The following RIIAD1 variants were observed in gnomAD, a reference collection of about 807,000 sequenced individuals.
RIIAD1 encodes the protein regulatory subunit of type II PKA R-subunit domain containing 1.
RIIAD1 carries 15 observed loss-of-function variants against 13.3 expected under a neutral mutation model. That is an observed-to-expected ratio of 1.13 (90% CI 0.76 to 1.74). The LOEUF is 1.74. RIIAD1 is among the 40% of genes most tolerant of loss of function. The pLI is 0.00. For missense variants in RIIAD1, 121 were observed against 112.2 expected, an observed-to-expected ratio of 1.08 and a Z score of -0.35; for synonymous variants, 50 against 43.3, an observed-to-expected ratio of 1.16 and a Z score of -0.61.
At chr1:151,722,487 CACT>C (rs1673755794) in intron 2 of RIIAD1, among the ~76,000 whole-genome samples, 1 of 152,172 alleles carries the variant, frequency 6.6e-6, no homozygotes, top group South Asian at 2.1e-4. Context: ...GGTTGGAAGC[CACT>C]CTTTTCTTGG....
intron 1 of RIIAD1, 153 bp from the exon 2 acceptor site, chr1:151,721,933 A>G (rs947858389): frequency 7.9e-6 from 5 of 630,340 alleles, no homozygotes; most frequent in Non-Finnish European, 1.4e-5. Flanking sequence ...ATGATATTTT[A>G]TCTGTAAGAA....
chr1:151,724,680 C>T (rs1360721084), intron 2 of RIIAD1, among the ~76,000 whole-genome samples: 1 of 152,210 alleles, frequency 6.6e-6, no homozygotes, highest in African/African-American at 2.4e-5. Context: ...AAACTCTTAA[C>T]ACCTTGAGTT....
At chr1:151,720,630 T>C (rs557128645), upstream of RIIAD1, among the ~76,000 whole-genome samples, 152 of 152,334 alleles carry the variant, frequency 1.0e-3, no homozygotes, top group African/African-American at 3.6e-3. Context: ...TTGTTTCTCA[T>C]GGTATTTTCT....
intron 2 of RIIAD1, among the ~76,000 whole-genome samples, chr1:151,723,111 G>A (rs917468860): frequency 1.3e-5 from 2 of 152,194 alleles, no homozygotes; most frequent in Non-Finnish European, 2.9e-5. Context: ...AAAAGTTGGC[G>A]AGGTCAGGCA....
chr1:151,727,632 C>T lies in RIIAD1; in HGVS notation c.208+11C>T, dbSNP rs1673856551. On this transcript the variant is annotated intron_variant, in intron 3 of 4. Transcript: ENST00000479191. ...TAGAATTTGCTGCAGGTGAGTAAGG[C>T]AGCGTCGGTTTTGGGTATCTGACAA... is the stretch of plus-strand genomic sequence containing the variant. The T allele has an allele frequency of 1.9e-6, 3 of 1,543,128 alleles. No homozygotes were observed. Among genetic ancestry groups the T allele is most frequent in the Non-Finnish European group, 2.6e-6 (3 of 1,139,208 alleles).
At chr1:151,714,762 G>C in intron 4 of RIIAD1, 1 of 959,518 alleles carries the variant, frequency 1.0e-6, no homozygotes, top group Non-Finnish European at 1.6e-6. Flanking sequence ...AAAGACTGAC[G>C]ACTGGGAAGC....
intron 2 of RIIAD1, among the ~76,000 whole-genome samples, chr1:151,726,048 T>C (rs928033505): frequency 1.3e-5 from 2 of 152,214 alleles, no homozygotes; most frequent in Admixed American, 6.5e-5. Context: ...TCATAGTCTA[T>C]AGAACACAAA....
intron 2 of RIIAD1, among the ~76,000 whole-genome samples, chr1:151,726,612 T>A (rs900865638): frequency 1.3e-5 from 2 of 152,344 alleles, no homozygotes; most frequent in East Asian, 1.9e-4. Context: ...GGGCAAATCA[T>A]TAATCTTTTG....
upstream of RIIAD1, among the ~76,000 whole-genome samples, chr1:151,719,184 A>G (rs1315000371): frequency 6.6e-6 from 1 of 152,156 alleles, no homozygotes; most frequent in African/African-American, 2.4e-5. Context: ...AGAGGAGAAG[A>G]GTTGTACCAC....
chr1:151,716,793 C>G, upstream of RIIAD1: 2 of 467,082 alleles, frequency 4.3e-6, no homozygotes, highest in Non-Finnish European at 8.8e-6. Flanking sequence ...GCGCTCTCCT[C>G]AACAAAAACC....
intron 1 of RIIAD1, chr1:151,721,847 C>T: frequency 3.4e-6 from 2 of 584,356 alleles, no homozygotes; most frequent in Non-Finnish European, 6.1e-6. Context: ...AGGGACTCGG[C>T]CAGAGAAATG....
chr1:151,725,732 C>T (rs1488495378), intron 2 of RIIAD1, among the ~76,000 whole-genome samples: 1 of 152,208 alleles, frequency 6.6e-6, no homozygotes, highest in Non-Finnish European at 1.5e-5. Flanking sequence ...TCCTTTTGCT[C>T]AGTCGTATCT....
chr1:151,727,617 T>C lies in RIIAD1; in HGVS notation c.204T>C (p.Ala68=), dbSNP rs763091613. ...LKRPDNILEF[A]ADYFTDPRLP... ...GACCAGACAACATCCTAGAATTTGC[T>C]GCAGGTGAGTAAGGCAGCGTCGGTT... Residue 68 remains alanine (A), a synonymous_variant, in exon 3 of 5, where the codon GCT becomes GCC. Transcript: ENST00000479191. 5.8e-6 allele frequency: 9 copies of C among 1,548,988 alleles called. 1 individual carries two copies. The South Asian group carries it at 8.3e-5, about 14-fold the overall frequency.
At position 151,721,586 on chromosome 1, in the gene RIIAD1, G is replaced by A; in HGVS notation, c.50G>A (p.Ser17Asn). ...LLQRPDPGAL[S>N]AAQLEQLRKF... ...CAGCGGCCCGACCCCGGGGCGCTTAGCGCAGCGCAGCTGGAGCAGCTGCGA... is the reference window on the plus strand; with the variant it reads ...CAGCGGCCCGACCCCGGGGCGCTTAACGCAGCGCAGCTGGAGCAGCTGCGA... Residue 17 changes from serine (S) to asparagine (N), a missense_variant, in exon 1 of 5, where the codon AGC (serine) becomes AAC (asparagine). Ser to Asn is a conservative substitution (Grantham distance 46). Transcript: ENST00000479191. 7.6e-7 allele frequency: 1 copy of A among 1,312,892 alleles called. No homozygotes were observed. The highest frequency in any genetic ancestry group is 9.7e-7 in the Non-Finnish European group (1 of 1,028,128). 81.3% of individuals were successfully genotyped at this position (1,312,892 alleles called of 1,614,324 possible). A position where few individuals can be genotyped will look rare whatever the true frequency, so the allele number is the denominator to read the frequency against.
At chr1:151,725,862 C>G (rs193295348) in intron 2 of RIIAD1, among the ~76,000 whole-genome samples, 1 of 152,084 alleles carries the variant, frequency 6.6e-6, no homozygotes, top group Non-Finnish European at 1.5e-5. Context: ...CAAGGCTCTC[C>G]GTAATAGAAC....
At chr1:151,726,924 C>G (rs939910070) in intron 2 of RIIAD1, among the ~76,000 whole-genome samples, 3 of 152,314 alleles carry the variant, frequency 2.0e-5, no homozygotes, top group Non-Finnish European at 2.9e-5. Flanking sequence ...ATATCTCCCA[C>G]CATTCGTGGG....
At chr1:151,713,780 G>A (rs1042222163) in intron 3 of RIIAD1, among the ~76,000 whole-genome samples, 8 of 152,202 alleles carry the variant, frequency 5.3e-5, no homozygotes, top group African/African-American at 7.2e-5. Context: ...GGGCGTGGGG[G>A]TTTGGGTGGA....
chr1:151,713,141 C>A (rs1331645667), intron 2 of RIIAD1, among the ~76,000 whole-genome samples: 1 of 152,182 alleles, frequency 6.6e-6, no homozygotes, highest in Non-Finnish European at 1.5e-5. Context: ...TGGATTCTGT[C>A]CCCTGGGACA....
upstream of RIIAD1, chr1:151,719,699 C>T: frequency 1.4e-6 from 1 of 701,914 alleles, no homozygotes; most frequent in Non-Finnish European, 2.6e-6. Flanking sequence ...GTAAGACAGG[C>T]CAACACAATA....
Sources: gnomAD v4.1 joint callset for allele counts (sites outside exome capture counted in the v4.1 genomes callset) on GRCh38, gnomAD v4.1.1 for gene constraint, MANE v1.5 for transcripts, NCBI Gene and HGNC (gene_info 2026-07-23, HGNC 2026-07-21) for gene names.